Variants in DPP10 observed in about 807,000 individuals in gnomAD.
The protein encoded by DPP10 is dipeptidyl peptidase like 10.
A neutral mutation model predicts 120.9 loss-of-function variants in DPP10; 33 were observed. That is an observed-to-expected ratio of 0.27 (90% confidence interval 0.21 to 0.37). The LOEUF is 0.37. Ranked by LOEUF, DPP10 falls within the 10% of genes least tolerant of loss-of-function variation. DPP10 has a pLI of 1.00. For synonymous variants in DPP10, 337 were observed against 326.1 expected (o/e 1.03, Z -0.36); for missense variants, 816 against 942.8 (o/e 0.87, Z 1.76).
At chr2:115,356,744 T>C (rs1004562461) in intron 3 of DPP10, among the ~76,000 whole-genome samples, 3 of 152,198 alleles carry the variant, frequency 2.0e-5, no homozygotes, top group African/African-American at 7.2e-5. Flanking sequence ...AGCTGTTTTA[T>C]TGAGAGTTTT....
intron 3 of DPP10, among the ~76,000 whole-genome samples, chr2:115,379,705 C>T (rs2066138929): frequency 6.6e-6 from 1 of 151,910 alleles, no homozygotes; most frequent in South Asian, 2.1e-4. Flanking sequence ...TATAAATTTC[C>T]CTCTACACAC....
At chr2:115,538,416 C>A (rs991267099) in intron 5 of DPP10, among the ~76,000 whole-genome samples, 1 of 151,938 alleles carries the variant, frequency 6.6e-6, no homozygotes, top group African/African-American at 2.4e-5. Flanking sequence ...TTGTTCTATA[C>A]ACTTTAATGA....
chr2:115,603,406 G>C (rs796877713), intron 5 of DPP10, among the ~76,000 whole-genome samples: 3 of 138,046 alleles, frequency 2.2e-5, no homozygotes, highest in African/African-American at 8.2e-5. Context: ...CAGGAAAATA[G>C]GACAGATCTG....
intron 4 of DPP10, among the ~76,000 whole-genome samples, chr2:115,521,606 T>TC (rs1007347173): frequency 7.6e-5 from 4 of 52,378 alleles, no homozygotes; most frequent in Non-Finnish European, 1.3e-4. Context: ...CTAATCCTTA[T>TC]TTTTTTTTTT....
intron 1 of DPP10, among the ~76,000 whole-genome samples, chr2:114,823,501 T>G (rs1177375270): frequency 6.6e-6 from 1 of 152,198 alleles, no homozygotes; most frequent in Admixed American, 6.5e-5. Context: ...TTATTAGTAC[T>G]TATGATGCCC....
chr2:115,533,025 A>G (rs1485281980), intron 5 of DPP10, among the ~76,000 whole-genome samples: 1 of 151,972 alleles, frequency 6.6e-6, no homozygotes, highest in Non-Finnish European at 1.5e-5. Flanking sequence ...GGAGAAATCA[A>G]TTTTTTTAAA....
intron 1 of DPP10, among the ~76,000 whole-genome samples, chr2:114,705,607 G>A (rs1700639634): frequency 6.6e-6 from 1 of 152,008 alleles, no homozygotes; most frequent in Non-Finnish European, 1.5e-5. Context: ...AGAATATTCT[G>A]TCAAATTGGT....
chr2:115,644,638 G>A (rs2087079422), intron 5 of DPP10, among the ~76,000 whole-genome samples: 1 of 151,158 alleles, frequency 6.6e-6, no homozygotes, highest in Admixed American at 6.6e-5. Context: ...AAAATAGCTA[G>A]GCATGGTGGC....
At chr2:115,662,209 A>T (rs758440668) in intron 5 of DPP10, among the ~76,000 whole-genome samples, 49 of 152,266 alleles carry the variant, frequency 3.2e-4, no homozygotes, top group Non-Finnish European at 5.7e-4. Context: ...CTTCTTTTTT[A>T]AAAATTAACA....
At chr2:114,508,715 T>A (rs1683884148) in intron 1 of DPP10, among the ~76,000 whole-genome samples, 1 of 152,034 alleles carries the variant, frequency 6.6e-6, no homozygotes, top group South Asian at 2.1e-4. Flanking sequence ...GACTTTCATT[T>A]ATCTAGCCTG....
At chr2:115,508,801 G>T (rs2077080920) in intron 4 of DPP10, among the ~76,000 whole-genome samples, 1 of 152,338 alleles carries the variant, frequency 6.6e-6, no homozygotes, top group South Asian at 2.1e-4. Flanking sequence ...TACTCAGGAG[G>T]CTGAGGCAGG....
intron 1 of DPP10, among the ~76,000 whole-genome samples, chr2:115,307,538 C>T (rs2061408139): frequency 6.6e-6 from 1 of 152,082 alleles, no homozygotes; most frequent in Non-Finnish European, 1.5e-5. Flanking sequence ...TACCCATTCG[C>T]TGTTGGTTAC....
rs937048482 is a variant in DPP10 at position 115,842,949 on chromosome 2, G to C, written c.*604G>C. On this transcript the variant is annotated 3_prime_UTR_variant, in exon 26 of 26. Coordinates refer to ENST00000410059, the MANE Select transcript of DPP10 (RefSeq NM_020868.6). The stretch of plus-strand genomic sequence containing the variant: ...CCTTCCAAAGTTCAGCCAGTTATCA[G>C]TAGATACAATATCTTTAAATGAACA... The C allele has an allele frequency of 6.6e-6, 1 of 152,668 alleles. No individual in the cohort carries two copies. The highest frequency in any genetic ancestry group is 2.4e-5 in the African/African-American group (1 of 41,454). 9.5% of individuals were successfully genotyped at this position (152,668 alleles called of 1,614,324 possible).
intron 1 of DPP10, among the ~76,000 whole-genome samples, chr2:115,277,672 T>A (rs1188655329): frequency 6.6e-6 from 1 of 151,966 alleles, no homozygotes; most frequent in Non-Finnish European, 1.5e-5. Context: ...TGTTTTTCTC[T>A]TCAGAAGTAG....
chr2:115,680,048 A>G (rs186648740), intron 5 of DPP10, among the ~76,000 whole-genome samples: 90 of 152,182 alleles, frequency 5.9e-4, no homozygotes, highest in African/African-American at 1.7e-3. Context: ...GAGTATGCTA[A>G]TTACACAGAT....
chr2:115,747,775 A>T (rs1678178788), intron 10 of DPP10, among the ~76,000 whole-genome samples: 1 of 152,028 alleles, frequency 6.6e-6, no homozygotes, highest in Non-Finnish European at 1.5e-5. Context: ...TTGAATTTTT[A>T]GTAGAGATGG....
rs184403599 is a variant in DPP10, at chr2:115,292,763, T to G, written c.61-16476T>G. Among the ~76,000 whole-genome samples the G allele has an allele frequency of 9.2e-5, 14 of 152,280 alleles. No individual in the cohort carries two copies. In the East Asian group the frequency reaches 2.7e-3, roughly 29 times the overall value. On this transcript the variant is annotated intron_variant, in intron 1 of 25. Coordinates refer to ENST00000410059, the MANE Select transcript of DPP10 (RefSeq NM_020868.6). Reference sequence around the variant, plus strand: ...TTTCCTGTGATACTAAGCACATGGCTATCCAATTGAAACACTTAACTTTTA... The same window carrying G: ...TTTCCTGTGATACTAAGCACATGGCGATCCAATTGAAACACTTAACTTTTA...
intron 5 of DPP10, among the ~76,000 whole-genome samples, chr2:115,665,601 A>C (rs2089387417): frequency 6.6e-6 from 1 of 152,180 alleles, no homozygotes; most frequent in Non-Finnish European, 1.5e-5. Flanking sequence ...GGCTTCTTAA[A>C]ATACTTCTCT....
intron 1 of DPP10, among the ~76,000 whole-genome samples, chr2:115,060,218 C>CTA (rs1327153789): frequency 4.0e-5 from 6 of 148,448 alleles, no homozygotes; most frequent in Admixed American, 6.8e-5. Flanking sequence ...TATATATACA[C>CTA]TATATATATA....
Sources: allele counts gnomAD v4.1 joint callset (sites outside exome capture counted in the v4.1 genomes callset), GRCh38; gene constraint gnomAD v4.1.1; transcripts MANE v1.5; gene names NCBI Gene and HGNC (gene_info 2026-07-23, HGNC 2026-07-21).